Variants in WDR70 observed in about 807,000 individuals in gnomAD.
WDR70 encodes the protein WD repeat-containing protein 70.
WDR70 carries 53 observed loss-of-function variants against 88.6 expected under a neutral mutation model. The ratio of observed to expected loss-of-function variants is 0.60; its 90% CI spans 0.48 to 0.75. WDR70 has a LOEUF of 0.75. WDR70 is among the 30% of genes least tolerant of loss of function. WDR70 has a pLI of 0.00. For missense variants in WDR70, 610 were observed against 823.2 expected, an observed-to-expected ratio of 0.74 and a Z score of 3.17; for synonymous variants, 280 against 270.0, an observed-to-expected ratio of 1.04 and a Z score of -0.36.
At chr5:37,647,841 G>C (rs1225981523) in intron 10 of WDR70, among the ~76,000 whole-genome samples, 1 of 152,210 alleles carries the variant, frequency 6.6e-6, no homozygotes, top group African/African-American at 2.4e-5. Flanking sequence ...TGCTTGGTCA[G>C]ACCTGAAGCC....
intron 7 of WDR70, among the ~76,000 whole-genome samples, chr5:37,449,822 A>C (rs1738613655): frequency 6.6e-6 from 1 of 152,058 alleles, no homozygotes; most frequent in Non-Finnish European, 1.5e-5. Flanking sequence ...ATAGGTATAC[A>C]CGTACCATGA....
intron 5 of WDR70, among the ~76,000 whole-genome samples, chr5:37,405,353 C>CTT (rs1224187351): frequency 1.4e-5 from 2 of 144,708 alleles, no homozygotes; most frequent in Admixed American, 7.0e-5. Flanking sequence ...TTGCCTTATA[C>CTT]TTTTTTTTTT....
rs565949982 is a variant in WDR70, at chr5:37,564,069, A to T, written c.918-40995A>T. Among the ~76,000 whole-genome samples the T allele has an allele frequency of 2.4e-3, 354 of 147,740 alleles. 2 individuals carry two copies. Among genetic ancestry groups the T allele is most frequent in the African/African-American group, 8.5e-3 (339 of 39,928 alleles). ...GGGCAGCCAGGCAGAGAAGCTCCTC[A>T]CATCCCAGACGATGGGCGGCCAGGC... is the stretch of plus-strand genomic sequence containing the variant. On this transcript the variant is annotated intron_variant, in intron 9 of 17. Transcript: ENST00000265107.
chr5:37,720,922 C>A (rs550274560), intron 13 of WDR70, among the ~76,000 whole-genome samples, 193 bp from the exon 14 acceptor site: 1 of 152,036 alleles, frequency 6.6e-6, no homozygotes, highest in African/African-American at 2.4e-5. Context: ...TGGAGTATCA[C>A]CCAGATAATA....
chr5:37,634,298 CAAA>C (rs34755579), intron 10 of WDR70, among the ~76,000 whole-genome samples: 1 of 106,078 alleles, frequency 9.4e-6, no homozygotes, highest in Non-Finnish European at 1.8e-5. Flanking sequence ...GACCCTGTCT[CAAA>C]AAAAAAAAAA....
At chr5:37,565,871 A>C (rs1742725111) in intron 9 of WDR70, among the ~76,000 whole-genome samples, 1 of 152,124 alleles carries the variant, frequency 6.6e-6, no homozygotes, top group African/African-American at 2.4e-5. Flanking sequence ...TGTGTTCAGC[A>C]TATTAGATAT....
chr5:37,559,706 G>A (rs1181415473), intron 9 of WDR70, among the ~76,000 whole-genome samples: 2 of 152,040 alleles, frequency 1.3e-5, no homozygotes, highest in African/African-American at 2.4e-5. Context: ...TTAGCTGGGG[G>A]TGGTGGCACA....
intron 10 of WDR70, among the ~76,000 whole-genome samples, chr5:37,626,463 C>G (rs1744668641): frequency 6.6e-6 from 1 of 152,168 alleles, no homozygotes; most frequent in South Asian, 2.1e-4. Context: ...ATAAATCCCA[C>G]TTGATTATGA....
chr5:37,517,369 A>ATTTTTTT (rs34483969), intron 9 of WDR70, among the ~76,000 whole-genome samples: 1 of 147,178 alleles, frequency 6.8e-6, no homozygotes, highest in Non-Finnish European at 1.5e-5. Flanking sequence ...TGGTTATTAA[A>ATTTTTTT]TTTTTTTTTT....
chr5:37,450,733 T>C (rs1057035129), intron 7 of WDR70, among the ~76,000 whole-genome samples: 1 of 152,196 alleles, frequency 6.6e-6, no homozygotes, highest in Non-Finnish European at 1.5e-5. Flanking sequence ...AAAACACTTA[T>C]TGGTCAAGGG....
At chr5:37,568,927 C>G (rs1742820806) in intron 9 of WDR70, among the ~76,000 whole-genome samples, 1 of 152,156 alleles carries the variant, frequency 6.6e-6, no homozygotes, top group Admixed American at 6.5e-5. Flanking sequence ...GTGTGCATCT[C>G]TGCTCATGGA....
At chr5:37,460,925 A>C (rs1052490529) in intron 7 of WDR70, among the ~76,000 whole-genome samples, 2 of 151,888 alleles carry the variant, frequency 1.3e-5, no homozygotes, top group Admixed American at 6.6e-5. Flanking sequence ...TTCCTCTTTT[A>C]ACATTTTTTG....
At chr5:37,636,084 G>T (rs1372427643) in intron 10 of WDR70, among the ~76,000 whole-genome samples, 1 of 152,058 alleles carries the variant, frequency 6.6e-6, no homozygotes, top group African/African-American at 2.4e-5. Flanking sequence ...CCCAGTCTCT[G>T]GTATGTCTTT....
In WDR70 at chr5:37,718,646, G is replaced by GAGT. The variant is rs569408130; in HGVS notation, c.1417-2467_1417-2465dup. The stretch of plus-strand genomic sequence containing the variant: ...ACCCTGCTACATTTGTAGGATACCT[G>GAGT]AGTATAATAATGATATGAGGAAATC... On this transcript the variant is annotated intron_variant, in intron 13 of 17. Transcript: ENST00000265107. Among the ~76,000 whole-genome samples, 346 of 152,268 alleles carry GAGT rather than the reference G, an allele frequency of 2.3e-3. 3 individuals carry two copies. Among genetic ancestry groups the GAGT allele is most frequent in the Non-Finnish European group, 1.7e-3 (117 of 68,018 alleles).
chr5:37,379,751 A>T (rs1748365447), intron 2 of WDR70, among the ~76,000 whole-genome samples, 197 bp downstream of exon 2: 1 of 8,264 alleles, frequency 1.2e-4, no homozygotes, highest in Non-Finnish European at 8.3e-3. Context: ...CAGTTATGAG[A>T]GTCTGGAGAG....
At chr5:37,487,600 A>AATATATATAT (rs70978824) in intron 8 of WDR70, among the ~76,000 whole-genome samples, 1 of 84,762 alleles carries the variant, frequency 1.2e-5, no homozygotes, top group African/African-American at 3.5e-5. Context: ...TGTATATATA[A>AATATATATAT]ATATATATAT....
At chr5:37,450,513 C>T (rs1738643409) in intron 7 of WDR70, among the ~76,000 whole-genome samples, 1 of 152,178 alleles carries the variant, frequency 6.6e-6, no homozygotes, top group South Asian at 2.1e-4. Flanking sequence ...TTGATTTATT[C>T]TAACCTTCAT....
intron 9 of WDR70, among the ~76,000 whole-genome samples, chr5:37,560,086 A>C (rs2112372972): frequency 6.6e-6 from 1 of 152,296 alleles, no homozygotes; most frequent in Non-Finnish European, 1.5e-5. Flanking sequence ...TATTTTAGTT[A>C]GCCAACTTAA....
At chr5:37,521,719 CACACACACACACACACACACA>C (rs1741096552) in intron 9 of WDR70, among the ~76,000 whole-genome samples, 1 of 151,766 alleles carries the variant, frequency 6.6e-6, no homozygotes, top group African/African-American at 2.4e-5. Context: ...CACACACACA[CACACACACACACACACACACA>C]CCCACATGTT....
Sources: allele counts gnomAD v4.1 joint callset (sites outside exome capture counted in the v4.1 genomes callset), GRCh38; gene constraint gnomAD v4.1.1; transcripts MANE v1.5; gene names NCBI Gene and HGNC (gene_info 2026-07-23, HGNC 2026-07-21).